OPCML: variants seen among roughly 807,000 people sequenced by gnomAD.
The protein encoded by OPCML is opioid binding protein/cell adhesion molecule like, also known as opioid-binding protein/cell adhesion molecule.
Under a neutral mutation model 37.8 loss-of-function variants are expected in OPCML, and 13 were observed. The observed-to-expected ratio is 0.34, with a 90% CI of 0.22 to 0.55. The LOEUF (loss-of-function observed/expected upper bound fraction) is 0.55. Among genes scored for constraint, OPCML ranks in the 20% least tolerant of loss-of-function variants. The pLI, the probability that OPCML is intolerant of heterozygous loss-of-function variation, is 0.91. For missense variants in OPCML, 341 were observed against 435.6 expected (o/e 0.78, Z 1.93); for synonymous variants, 176 against 168.8 (o/e 1.04, Z -0.33).
chr11:133,441,588 C>T (rs1416197199), intron 1 of OPCML, among the ~76,000 whole-genome samples: 3 of 152,022 alleles, frequency 2.0e-5, no homozygotes, highest in Admixed American at 1.3e-4. Context: ...AATAAATAAA[C>T]AACCCTTTAT....
intron 3 of OPCML, among the ~76,000 whole-genome samples, chr11:132,547,130 G>T (rs1403926332): frequency 1.3e-5 from 2 of 152,156 alleles, no homozygotes; most frequent in Non-Finnish European, 2.9e-5. Flanking sequence ...CAAAAACCAT[G>T]CTTGGCACAT....
chr11:133,266,559 C>T (rs1173467481), intron 1 of OPCML, among the ~76,000 whole-genome samples: 2 of 152,170 alleles, frequency 1.3e-5, no homozygotes, highest in Non-Finnish European at 2.9e-5. Context: ...GTCAGGAACT[C>T]ATGTCTATCT....
At chr11:132,574,618 A>C (rs1378207506) in intron 3 of OPCML, among the ~76,000 whole-genome samples, 1 of 151,938 alleles carries the variant, frequency 6.6e-6, no homozygotes. Context: ...TTGTGGTCTG[A>C]AAATATATTT....
rs370718880 is a variant in OPCML at position 132,467,644 on chromosome 11, C to T, written c.506-30285G>A. Reference sequence around the variant, plus strand: ...AACGCCCAGATGCCATGAGGGTATGCTCACTGGAGAATACTGAGTGCGGAA... The same window carrying T: ...AACGCCCAGATGCCATGAGGGTATGTTCACTGGAGAATACTGAGTGCGGAA... On this transcript the variant is annotated intron_variant, in intron 4 of 7. Coordinates refer to ENST00000524381, the MANE Select transcript of OPCML (RefSeq NM_001012393.5). 1.8e-4 allele frequency among the ~76,000 whole-genome samples: 27 copies of T among 152,298 alleles called. No individual in the cohort carries two copies. In the South Asian group the frequency reaches 5.2e-3, roughly 29 times the overall value.
chr11:132,792,171 CG>C (rs1211731613), intron 2 of OPCML, among the ~76,000 whole-genome samples: 1 of 151,932 alleles, frequency 6.6e-6, no homozygotes, highest in Non-Finnish European at 1.5e-5. Context: ...GCAATTGTAG[CG>C]TATTCCATCT....
chr11:133,447,660 T>G (rs1163446325), intron 1 of OPCML, among the ~76,000 whole-genome samples: 1 of 152,244 alleles, frequency 6.6e-6, no homozygotes, highest in African/African-American at 2.4e-5. Flanking sequence ...CTTAGGTTAA[T>G]GGCCTCCAGC....
chr11:132,443,288 G>A (rs1195234501), intron 4 of OPCML, among the ~76,000 whole-genome samples: 3 of 152,210 alleles, frequency 2.0e-5, no homozygotes, highest in Non-Finnish European at 4.4e-5. Context: ...AGGACAAGGT[G>A]TGGGGAAGGG....
intron 1 of OPCML, among the ~76,000 whole-genome samples, chr11:133,078,854 T>C (rs1186564012): frequency 6.6e-6 from 1 of 152,132 alleles, no homozygotes; most frequent in Non-Finnish European, 1.5e-5. Flanking sequence ...AACTACCACC[T>C]TCATACACTC....
chr11:132,945,783 TTTTG>T (rs1378556460), intron 1 of OPCML, among the ~76,000 whole-genome samples: 6 of 152,164 alleles, frequency 3.9e-5, no homozygotes, highest in Admixed American at 2.6e-4. Flanking sequence ...TTCCACTCTT[TTTTG>T]TTTGTTTGTT....
At chr11:133,070,391 A>T (rs947372194) in intron 1 of OPCML, among the ~76,000 whole-genome samples, 2 of 152,010 alleles carry the variant, frequency 1.3e-5, no homozygotes, top group Admixed American at 6.6e-5. Flanking sequence ...CTAGTTGGTA[A>T]ATTCTCCCAC....
chr11:133,312,889 T>G (rs1943099245), intron 1 of OPCML, among the ~76,000 whole-genome samples: 1 of 152,310 alleles, frequency 6.6e-6, no homozygotes, highest in Admixed American at 6.5e-5. Context: ...AGATTTATAC[T>G]GATGATTAAA....
chr11:132,961,001 A>G (rs1167296379), intron 1 of OPCML, among the ~76,000 whole-genome samples: 2 of 152,204 alleles, frequency 1.3e-5, no homozygotes, highest in Non-Finnish European at 2.9e-5. Context: ...TGCTGAATCT[A>G]GCAGCCTCCA....
At chr11:132,593,849 T>C (rs1488180249) in intron 3 of OPCML, among the ~76,000 whole-genome samples, 1 of 152,204 alleles carries the variant, frequency 6.6e-6, no homozygotes, top group South Asian at 2.1e-4. Flanking sequence ...GGAGAAAGAA[T>C]TATTTAATGG....
chr11:133,220,186 C>G (rs1039696580), intron 1 of OPCML, among the ~76,000 whole-genome samples: 2 of 152,128 alleles, frequency 1.3e-5, no homozygotes, highest in African/African-American at 4.8e-5. Flanking sequence ...ACATTGGGAG[C>G]CCAGGCAGGT....
rs550049201 is a variant in OPCML, at chr11:133,015,740, G to A, written c.62-72730C>T. 2.6e-5 allele frequency among the ~76,000 whole-genome samples: 4 copies of A among 152,168 alleles called. No homozygotes were observed. The East Asian group carries it at 7.7e-4, about 29-fold the overall frequency. On this transcript the variant is annotated intron_variant, in intron 1 of 7. Coordinates refer to ENST00000524381, the MANE Select transcript of OPCML (RefSeq NM_001012393.5). ...CTTTCCAAAATCATCTCTGGTCACC[G>A]TTCATGTATTACAAACTCCAGCTGC...
At chr11:132,927,763 A>T (rs927846919) in intron 2 of OPCML, among the ~76,000 whole-genome samples, 16 of 152,062 alleles carry the variant, frequency 1.1e-4, no homozygotes, top group African/African-American at 2.9e-4. Flanking sequence ...CATAATAATA[A>T]ATCTATGTTC....
chr11:133,458,625 G>A (rs1187995324), intron 1 of OPCML, among the ~76,000 whole-genome samples: 2 of 120,568 alleles, frequency 1.7e-5, no homozygotes, highest in Non-Finnish European at 3.1e-5. Flanking sequence ...ATATATACAC[G>A]TGTGTGTGTA....
intron 2 of OPCML, among the ~76,000 whole-genome samples, chr11:132,664,420 T>C (rs920150278): frequency 6.6e-6 from 1 of 152,332 alleles, no homozygotes; most frequent in Admixed American, 6.5e-5. Context: ...TTTACTTTTT[T>C]AATACATTCC....
At chr11:132,950,525 A>G (rs1285605627) in intron 1 of OPCML, among the ~76,000 whole-genome samples, 4 of 152,192 alleles carry the variant, frequency 2.6e-5, no homozygotes, top group African/African-American at 9.7e-5. Flanking sequence ...CACCTCTATG[A>G]GACAGTCAAA....
Sources: gnomAD v4.1 joint callset for allele counts (sites outside exome capture counted in the v4.1 genomes callset) on GRCh38, gnomAD v4.1.1 for gene constraint, MANE v1.5 for transcripts, NCBI Gene and HGNC (gene_info 2026-07-23, HGNC 2026-07-21) for gene names.